Variants in PCNX2 observed in about 807,000 individuals in gnomAD.
PCNX2 encodes the protein pecanex-like protein 2.
A neutral mutation model predicts 223.8 loss-of-function variants in PCNX2; 168 were observed. The ratio of observed to expected loss-of-function variants is 0.75; its 90% confidence interval spans 0.66 to 0.85. PCNX2 has a LOEUF of 0.85. Among genes scored for constraint, PCNX2 ranks in the 40% least tolerant of loss-of-function variants. The pLI, the probability that PCNX2 is intolerant of heterozygous loss-of-function variation, is 0.00. For missense variants in PCNX2, 2,507 were observed against 2,675.5 expected (o/e 0.94, Z 1.39); for synonymous variants, 1,006 against 1,052.6 (o/e 0.96, Z 0.86).
At chr1:233,309,295 G>A in the PCNX2 span, among the ~76,000 whole-genome samples, 4 of 151,940 alleles carry the variant, frequency 2.6e-5, no homozygotes, top group Admixed American at 2.0e-4. Context: ...TAATCCCATG[G>A]CTTTGGGAGG....
At chr1:233,142,511 G>A (rs1241003393) in intron 19 of PCNX2, among the ~76,000 whole-genome samples, 1 of 152,072 alleles carries the variant, frequency 6.6e-6, no homozygotes, top group Non-Finnish European at 1.5e-5. Flanking sequence ...CTTTCCCAAG[G>A]CAAGTGGCAA....
chr1:233,177,741 C>A, intron 17 of PCNX2, 61 bp downstream of exon 17: 2 of 1,416,172 alleles, frequency 1.4e-6, no homozygotes, highest in South Asian at 1.2e-5. Flanking sequence ...CCATTGAGAG[C>A]CTGATCTCTG....
At position 232,986,187 on chromosome 1, in the gene PCNX2, CAG is replaced by C; in HGVS notation, c.6143_6144del (p.Ser2048CysfsTer9). 1.3e-6 allele frequency: 2 copies of C among 1,561,462 alleles called. No individual in the cohort carries two copies. Among genetic ancestry groups the C allele is most frequent in the Non-Finnish European group, 8.7e-7 (1 of 1,152,088 alleles). ...FSSALVISGLSAAEGGNTSDT... is the reference protein window; with the variant it reads ...FSSALVISGLXAAEGGNTSDT... The stretch of plus-strand genomic sequence containing the variant: ...TCACTGGTATTGCCCCCCTCCGCAG[CAG>C]AGAGTCCGGAAATGACGAGCGCGCT... On this transcript the variant is annotated frameshift_variant, in exon 33 of 34. Transcript: ENST00000258229. LOFTEE classifies it high-confidence loss of function.
chr1:233,226,736 T>C (rs146714512), intron 10 of PCNX2, among the ~76,000 whole-genome samples: 193 of 152,246 alleles, frequency 1.3e-3, no homozygotes, highest in African/African-American at 4.4e-3. Context: ...GTACATCAGA[T>C]ACAAGTGAGC....
rs570043857 is a variant in PCNX2 at position 232,991,106 on chromosome 1, G to A, written c.5792-4566C>T. Among the ~76,000 whole-genome samples the A allele has an allele frequency of 6.6e-6, 1 of 152,350 alleles. No individual in the cohort carries two copies. The highest frequency in any genetic ancestry group is 1.9e-4 in the East Asian group (1 of 5,172). On this transcript the variant is annotated intron_variant, in intron 32 of 33. Coordinates refer to ENST00000258229, the MANE Select transcript of PCNX2 (RefSeq NM_014801.4). The surrounding 1 kb of genome is among the most constrained non-coding windows in gnomAD (Gnocchi z 4.3). ...CAGCTCATGGGAAATTCTGACCACA[G>A]ACAAGGCACATGCATCAGGCAGGGA...
chr1:233,120,114 C>A (rs1174476994), intron 21 of PCNX2, among the ~76,000 whole-genome samples: 1 of 145,104 alleles, frequency 6.9e-6, no homozygotes, highest in African/African-American at 2.6e-5. Context: ...TTGCAGTGAG[C>A]CGAGATCACA....
chr1:233,309,944 T>C, the PCNX2 span, among the ~76,000 whole-genome samples: 1 of 152,064 alleles, frequency 6.6e-6, no homozygotes, highest in Admixed American at 6.6e-5. Flanking sequence ...AAAAGAAGGA[T>C]TCAATTCTCC....
chr1:232,986,307 C>T lies in PCNX2; in HGVS notation c.6025G>A (p.Val2009Ile). The change falls in exon 33 of 34, where the codon GTC becomes ATC. Residue 2009 changes from valine to isoleucine, a missense_variant. Physicochemically the swap from Val to Ile is conservative, Grantham distance 29. Coordinates refer to ENST00000258229, the MANE Select transcript of PCNX2 (RefSeq NM_014801.4). ...ATGAGCGCCTCGGCCCGCTCACGGA[C>T]ACTCAGGTGGCCGGTGGTGGTGACG... ...PPVTTTGHLSVRERAEALIRS... is the reference protein window; with the variant it reads ...PPVTTTGHLSIRERAEALIRS... 1.9e-6 allele frequency: 3 copies of T among 1,580,494 alleles called. No homozygotes were observed. The highest frequency in any genetic ancestry group is 2.6e-6 in the Non-Finnish European group (3 of 1,164,146).
chr1:233,093,532 G>A (rs1346306557), intron 22 of PCNX2, among the ~76,000 whole-genome samples: 1 of 152,136 alleles, frequency 6.6e-6, no homozygotes, highest in Non-Finnish European at 1.5e-5. Context: ...TAATAGCTTT[G>A]TCTGGGTGGC....
At chr1:233,085,823 G>T (rs1423528261) in intron 23 of PCNX2, among the ~76,000 whole-genome samples, 1 of 152,100 alleles carries the variant, frequency 6.6e-6, no homozygotes, top group Non-Finnish European at 1.5e-5. Context: ...TGTCCAGTTA[G>T]TCCCCAGCAG....
intron 21 of PCNX2, among the ~76,000 whole-genome samples, chr1:233,114,134 G>C (rs1181362035): frequency 6.6e-6 from 1 of 152,184 alleles, no homozygotes; most frequent in Admixed American, 6.5e-5. Context: ...AAAAAGTAGT[G>C]CAAGTACTTA....
chr1:233,185,385 T>C (rs572857524), intron 15 of PCNX2, among the ~76,000 whole-genome samples: 1 of 152,238 alleles, frequency 6.6e-6, no homozygotes, highest in Admixed American at 6.5e-5. Flanking sequence ...TCCACAGCCC[T>C]GAATTCAGTG....
chr1:233,143,648 T>G (rs1275625333), intron 19 of PCNX2, among the ~76,000 whole-genome samples: 1 of 152,220 alleles, frequency 6.6e-6, no homozygotes, highest in African/African-American at 2.4e-5. Flanking sequence ...TTCTGGATGA[T>G]CTTCCTCTAT....
intron 23 of PCNX2, 35 bp downstream of exon 23, chr1:233,090,026 A>T (rs1320230599): frequency 5.0e-6 from 8 of 1,612,246 alleles, no homozygotes; most frequent in Non-Finnish European, 6.8e-6. Flanking sequence ...TGCAAACTGG[A>T]GAAAAGCAAT....
intron 17 of PCNX2, among the ~76,000 whole-genome samples, chr1:233,162,146 T>C (rs1408995373): frequency 6.6e-6 from 1 of 152,140 alleles, no homozygotes; most frequent in East Asian, 1.9e-4. Flanking sequence ...CAAAGCAAAG[T>C]TCAGCCTGAG....
intron 19 of PCNX2, among the ~76,000 whole-genome samples, chr1:233,150,661 T>A (rs889543392): frequency 2.6e-5 from 4 of 152,338 alleles, no homozygotes; most frequent in African/African-American, 9.6e-5. Context: ...AAAAACATTT[T>A]AAAGCTTTAA....
Position 233,258,744 on chromosome 1 carries a change from G to T in PCNX2, c.1118C>A (p.Pro373His). 1.9e-6 allele frequency: 3 copies of T among 1,613,860 alleles called. No homozygotes were observed. Among genetic ancestry groups the T allele is most frequent in the East Asian group, 4.5e-5 (2 of 44,862 alleles). Residue 373 changes from proline to histidine, a missense_variant, in exon 5 of 34, where the codon CCC becomes CAC. Around this residue, in one of 3 missense-constraint regions of PCNX2, gnomAD observed 1,031 missense variants for 1,021.7 expected, o/e 1.01. Coordinates refer to ENST00000258229, the MANE Select transcript of PCNX2 (RefSeq NM_014801.4). ...GCTCATCGTGATAACAATTTTTATG[G>T]GCTCATGTAGACTCAGTGGGTCTCC... ...QPGDPLSLHE[P>H]IKIVITMSST...
At chr1:233,201,100 C>A (rs1471378436) in intron 13 of PCNX2, among the ~76,000 whole-genome samples, 9 of 100,460 alleles carry the variant, frequency 9.0e-5, no homozygotes, top group East Asian at 3.0e-4. Context: ...GATCCCAGAA[C>A]TTAAAGTATT....
intron 26 of PCNX2, among the ~76,000 whole-genome samples, chr1:233,021,297 G>A (rs1291112456): frequency 6.6e-6 from 1 of 152,180 alleles, no homozygotes; most frequent in Non-Finnish European, 1.5e-5. Flanking sequence ...CCTGAGTGCT[G>A]ACTTGGGAGT....
Sources: allele counts gnomAD v4.1 joint callset (sites outside exome capture counted in the v4.1 genomes callset), GRCh38; gene constraint gnomAD v4.1.1; regional missense constraint gnomAD v4.1.1; non-coding constraint Gnocchi (gnomAD v3.1); transcripts MANE v1.5; gene names NCBI Gene and HGNC (gene_info 2026-07-23, HGNC 2026-07-21).